The following KATNAL1 variants were observed in gnomAD, a reference collection of about 807,000 sequenced individuals.
The protein encoded by KATNAL1 is katanin p60 ATPase-containing subunit A-like 1.
KATNAL1 carries 32 observed loss-of-function variants against 55.2 expected under a neutral mutation model. The observed-to-expected ratio is 0.58, with a 90% CI of 0.44 to 0.78. The LOEUF (loss-of-function observed/expected upper bound fraction) is 0.78, where lower values mean the gene tolerates loss of function less well. Among genes scored for constraint, KATNAL1 ranks in the 30% least tolerant of loss-of-function variants. KATNAL1 has a pLI of 0.00. For synonymous variants in KATNAL1, 193 were observed against 193.6 expected (o/e 1.00, Z 0.02); for missense variants, 466 against 600.9 (o/e 0.78, Z 2.35).
chr13:30,295,223 T>C (rs1255336599), intron 1 of KATNAL1, among the ~76,000 whole-genome samples: 3 of 152,224 alleles, frequency 2.0e-5, no homozygotes, highest in Admixed American at 6.5e-5. Context: ...GCAAAGTAAA[T>C]TGAACACTTT....
chr13:30,217,603 T>C (rs1478554379), intron 9 of KATNAL1, among the ~76,000 whole-genome samples: 1 of 152,168 alleles, frequency 6.6e-6, no homozygotes, highest in Non-Finnish European at 1.5e-5. Flanking sequence ...AGAGGAATCA[T>C]ACACTCCTTA....
At chr13:30,280,854 A>T (rs917769431) in intron 2 of KATNAL1, among the ~76,000 whole-genome samples, 3 of 152,174 alleles carry the variant, frequency 2.0e-5, no homozygotes, top group Non-Finnish European at 2.9e-5. Context: ...CTGAACACAT[A>T]CTATGAGGAA....
chr13:30,283,551 C>G (rs1292761692), intron 2 of KATNAL1, 65 bp downstream of exon 2: 1 of 1,444,736 alleles, frequency 6.9e-7, no homozygotes, highest in Non-Finnish European at 9.3e-7. Flanking sequence ...TTTTCCAACT[C>G]TAATCTCTCA....
intron 2 of KATNAL1, among the ~76,000 whole-genome samples, chr13:30,281,062 G>A (rs1881245382): frequency 7.1e-6 from 1 of 141,630 alleles, no homozygotes; most frequent in African/African-American, 2.7e-5. Flanking sequence ...GAGCCCAGGA[G>A]TTCGAGGCTA....
chr13:30,233,887 A>G (rs2137403934), intron 6 of KATNAL1, among the ~76,000 whole-genome samples: 1 of 152,338 alleles, frequency 6.6e-6, no homozygotes, highest in Non-Finnish European at 1.5e-5. Flanking sequence ...GTGGGAGCTA[A>G]GAAAGGATCT....
In KATNAL1 at chr13:30,252,556, T is replaced by C. The variant is rs550934980; in HGVS notation, c.492+2891A>G. The stretch of plus-strand genomic sequence containing the variant: ...GAGCTGGTGTACATAAACATATGAA[T>C]AAATTTGTATATATTTTTATCAAAA... On this transcript the variant is annotated intron_variant, in intron 4 of 10. Coordinates refer to ENST00000380615, the MANE Select transcript of KATNAL1 (RefSeq NM_032116.5). Among the ~76,000 whole-genome samples, 211 of 152,262 alleles carry C rather than the reference T, an allele frequency of 1.4e-3. 2 individuals are homozygous for C. The Middle Eastern group carries it at 0.017, about 12-fold the overall frequency.
Position 30,298,070 on chromosome 13 carries a change from C to T in KATNAL1, c.-15+9261G>A, listed in dbSNP as rs114258389. On this transcript the variant is annotated intron_variant, in intron 1 of 10. Coordinates refer to ENST00000380615, the MANE Select transcript of KATNAL1 (RefSeq NM_032116.5). Reference sequence around the variant, plus strand: ...AATTGAGACATGTACATTTTTTAGACGTAATGTTATTGCACACTTAATAAA... The same window carrying T: ...AATTGAGACATGTACATTTTTTAGATGTAATGTTATTGCACACTTAATAAA... Among the ~76,000 whole-genome samples, 596 of 152,226 alleles carry T rather than the reference C, an allele frequency of 3.9e-3. 8 individuals are homozygous for T. The highest frequency in any genetic ancestry group is 0.014 in the African/African-American group (567 of 41,552).
intron 9 of KATNAL1, among the ~76,000 whole-genome samples, chr13:30,216,673 T>C (rs151108633): frequency 4.6e-5 from 7 of 152,252 alleles, no homozygotes; most frequent in Admixed American, 1.3e-4. Context: ...CCAGTCAGGC[T>C]GGTGGCAGGA....
rs139914537 is a variant in KATNAL1, at chr13:30,242,253, AT to A, written c.493-1168del. ...TCATATGGCACTGTAATTTACACTTATCAAGTTAAAATTAAAATTTCATTTT... is the reference window on the plus strand; with the variant it reads ...TCATATGGCACTGTAATTTACACTTACAAGTTAAAATTAAAATTTCATTTT... On this transcript the variant is annotated intron_variant, in intron 4 of 10. Transcript: ENST00000380615. 2.6e-3 allele frequency among the ~76,000 whole-genome samples: 399 copies of A among 152,350 alleles called. 1 individual carries two copies. Among genetic ancestry groups the A allele is most frequent in the African/African-American group, 8.8e-3 (365 of 41,584 alleles).
chr13:30,284,481 G>T (rs1220249201), intron 1 of KATNAL1, among the ~76,000 whole-genome samples: 2 of 151,926 alleles, frequency 1.3e-5, no homozygotes, highest in African/African-American at 4.8e-5. Flanking sequence ...TTCTACTGAA[G>T]TCAGTTGAAA....
chr13:30,217,741 AG>A (rs1874432553), intron 9 of KATNAL1, among the ~76,000 whole-genome samples: 1 of 152,106 alleles, frequency 6.6e-6, no homozygotes, highest in Admixed American at 6.6e-5. Flanking sequence ...AAGTTTCCTA[AG>A]TAAAATAAGA....
intron 3 of KATNAL1, among the ~76,000 whole-genome samples, chr13:30,267,340 C>T (rs921866505): frequency 6.6e-6 from 1 of 152,180 alleles, no homozygotes; most frequent in African/African-American, 2.4e-5. Flanking sequence ...TAGATAAATT[C>T]TCACAGGTCT....
At chr13:30,241,937 C>A (rs759244127) in intron 4 of KATNAL1, among the ~76,000 whole-genome samples, 1 of 152,096 alleles carries the variant, frequency 6.6e-6, no homozygotes, top group Non-Finnish European at 1.5e-5. Flanking sequence ...GGCAGTATGG[C>A]GGTAGCATTA....
intron 3 of KATNAL1, among the ~76,000 whole-genome samples, chr13:30,279,667 A>G (rs1481656512): frequency 1.3e-5 from 2 of 152,170 alleles, no homozygotes; most frequent in South Asian, 2.1e-4. Flanking sequence ...AAAACTCTGG[A>G]AATTGACTGT....
chr13:30,277,766 G>A (rs938619783), intron 3 of KATNAL1, among the ~76,000 whole-genome samples: 2 of 151,812 alleles, frequency 1.3e-5, no homozygotes, highest in African/African-American at 2.4e-5. Flanking sequence ...GGCGGATCAC[G>A]AGGTCAGGAG....
At chr13:30,236,232 G>A (rs1191018567) in intron 6 of KATNAL1, among the ~76,000 whole-genome samples, 2 of 152,154 alleles carry the variant, frequency 1.3e-5, no homozygotes. Flanking sequence ...AACCTAAGAG[G>A]GTAGTGGGAA....
At chr13:30,217,248 C>T (rs935359122) in intron 9 of KATNAL1, among the ~76,000 whole-genome samples, 2 of 152,046 alleles carry the variant, frequency 1.3e-5, no homozygotes, top group African/African-American at 4.8e-5. Flanking sequence ...GTCAGGAGAT[C>T]GAGACCATCC....
chr13:30,283,938 T>C (rs1052030715), intron 1 of KATNAL1, 147 bp from the exon 2 acceptor site: 1 of 579,592 alleles, frequency 1.7e-6, no homozygotes, highest in Middle Eastern at 4.6e-4. Flanking sequence ...TGCAGCAGCA[T>C]GATCTTGACT....
chr13:30,244,987 A>AT (rs1437712322), intron 4 of KATNAL1, among the ~76,000 whole-genome samples: 24 of 151,992 alleles, frequency 1.6e-4, no homozygotes, highest in Non-Finnish European at 3.2e-4. Flanking sequence ...AGGAGCTGGT[A>AT]TAATTCCTTC....
Sources: gnomAD v4.1 joint callset for allele counts (sites outside exome capture counted in the v4.1 genomes callset) on GRCh38, gnomAD v4.1.1 for gene constraint, MANE v1.5 for transcripts, NCBI Gene and HGNC (gene_info 2026-07-23, HGNC 2026-07-21) for gene names.